Variants in PALS1 observed in about 807,000 individuals in gnomAD.
The protein encoded by PALS1 is protein PALS1.
Under a neutral mutation model 78.9 loss-of-function variants are expected in PALS1, and 31 were observed. The ratio of observed to expected loss-of-function variants is 0.39; its 90% CI spans 0.30 to 0.53. PALS1 has a LOEUF of 0.53. Among genes scored for constraint, PALS1 ranks in the 20% least tolerant of loss-of-function variants. PALS1 has a pLI of 0.67. For missense variants in PALS1, 704 were observed against 826.5 expected (o/e 0.85, Z 1.82); for synonymous variants, 276 against 270.9 (o/e 1.02, Z -0.18).
chr14:67,306,965 A>G (rs2085013979), intron 8 of PALS1, among the ~76,000 whole-genome samples: 1 of 152,236 alleles, frequency 6.6e-6, no homozygotes, highest in South Asian at 2.1e-4. Flanking sequence ...GATGTTAGAA[A>G]TGTGTTTAAG....
At chr14:67,315,752 G>A (rs890472198) in intron 9 of PALS1, among the ~76,000 whole-genome samples, 7 of 152,172 alleles carry the variant, frequency 4.6e-5, no homozygotes, top group African/African-American at 1.4e-4. Context: ...TGGTGAAACC[G>A]AGCCTCTACT....
At chr14:67,254,786 C>T (rs1451210234) in intron 1 of PALS1, among the ~76,000 whole-genome samples, 1 of 152,188 alleles carries the variant, frequency 6.6e-6, no homozygotes, top group African/African-American at 2.4e-5. Flanking sequence ...TAGAGGTAAT[C>T]ATCTACTAAT....
At chr14:67,279,600 T>C in intron 3 of PALS1, 63 bp downstream of exon 3, 1 of 1,419,416 alleles carries the variant, frequency 7.0e-7, no homozygotes, top group Non-Finnish European at 9.4e-7. Flanking sequence ...CCTTATAATG[T>C]ATATGAGAAG....
At chr14:67,282,077 AAC>A (rs2084614978) in intron 3 of PALS1, among the ~76,000 whole-genome samples, 1 of 152,214 alleles carries the variant, frequency 6.6e-6, no homozygotes, top group Non-Finnish European at 1.5e-5. Flanking sequence ...TGATATAGTC[AAC>A]ACAGATATCT....
chr14:67,267,591 A>G (rs1212393783), intron 1 of PALS1, among the ~76,000 whole-genome samples: 3 of 152,228 alleles, frequency 2.0e-5, no homozygotes, highest in Non-Finnish European at 2.9e-5. Flanking sequence ...TGAATTTTCA[A>G]AACGGGTTTA....
chr14:67,255,745 A>T (rs771040012), intron 1 of PALS1, among the ~76,000 whole-genome samples: 1 of 152,194 alleles, frequency 6.6e-6, no homozygotes, highest in Admixed American at 6.5e-5. Context: ...CAGTAGTGCA[A>T]TCTGGGCTCA....
chr14:67,285,851 CAG>C (rs1382213192), intron 3 of PALS1, among the ~76,000 whole-genome samples: 2 of 152,100 alleles, frequency 1.3e-5, no homozygotes, highest in African/African-American at 2.4e-5. Flanking sequence ...GGAGGGAGGA[CAG>C]AGTTTACGAG....
intron 13 of PALS1, among the ~76,000 whole-genome samples, chr14:67,323,035 C>T (rs2085284814): frequency 6.6e-6 from 1 of 152,046 alleles, no homozygotes; most frequent in African/African-American, 2.4e-5. Context: ...ATTCTAATTG[C>T]TCCAAAATTG....
intron 14 of PALS1, among the ~76,000 whole-genome samples, chr14:67,327,031 C>T (rs573435480): frequency 1.4e-4 from 21 of 152,180 alleles, no homozygotes; most frequent in African/African-American, 4.6e-4. Flanking sequence ...AAAAGTTAGC[C>T]GGGTGTGGTG....
At chr14:67,273,678 G>A (rs1350431502) in intron 2 of PALS1, among the ~76,000 whole-genome samples, 1 of 152,196 alleles carries the variant, frequency 6.6e-6, no homozygotes, top group Non-Finnish European at 1.5e-5. Context: ...TCTAGTTCTA[G>A]ATCTCTGAGG....
At chr14:67,315,308 GCT>G (rs1180707541) in intron 9 of PALS1, among the ~76,000 whole-genome samples, 1 of 109,762 alleles carries the variant, frequency 9.1e-6, no homozygotes, top group Non-Finnish European at 1.7e-5. Context: ...ACAAAATCTC[GCT>G]CTGTCTCCCA....
chr14:67,316,951 T>C (rs1297864622), intron 10 of PALS1, 48 bp downstream of exon 10: 1 of 1,457,816 alleles, frequency 6.9e-7, no homozygotes, highest in African/African-American at 1.4e-5. Flanking sequence ...TGGGTCTTCA[T>C]CTGGAGCCAT....
intron 3 of PALS1, among the ~76,000 whole-genome samples, chr14:67,291,189 T>C (rs762739847): frequency 1.3e-5 from 2 of 149,960 alleles, no homozygotes; most frequent in Non-Finnish European, 3.0e-5. Context: ...CGTGTGCATG[T>C]ACACTCACAC....
intron 11 of PALS1, among the ~76,000 whole-genome samples, chr14:67,319,573 C>A (rs939830804): frequency 2.1e-5 from 3 of 145,616 alleles, no homozygotes; most frequent in Non-Finnish European, 4.5e-5. Flanking sequence ...TGGGGCCACA[C>A]GTAAAATACA....
In PALS1 at chr14:67,321,060, C is replaced by A. The variant is rs1399869023; in HGVS notation, c.1541C>A (p.Thr514Lys). ...KDRFASAVPH[T>K]TRSRRDQEVA... Reference sequence around the variant, plus strand: ...CTATCTGATTTTGTTTGCCTAGATACAACCCGGAGTAGGCGAGACCAAGAA... The same window carrying A: ...CTATCTGATTTTGTTTGCCTAGATAAAACCCGGAGTAGGCGAGACCAAGAA... The change falls in exon 13 of 15, where the codon ACA becomes AAA. Residue 514 changes from threonine (T) to lysine (K), a missense_variant. By Grantham distance (78) the Thr-to-Lys change is moderately conservative. Transcript: ENST00000261681. 1 of 1,614,038 alleles carries A rather than the reference C, an allele frequency of 6.2e-7. No homozygotes were observed. Among genetic ancestry groups the A allele is most frequent in the Admixed American group, 1.7e-5 (1 of 60,014 alleles).
rs912153373 is a variant in PALS1, at chr14:67,333,675, A to G, written c.*719A>G. The G allele has an allele frequency of 6.6e-6, 1 of 152,544 alleles. No individual in the cohort carries two copies. The highest frequency in any genetic ancestry group is 1.5e-5 in the Non-Finnish European group (1 of 68,018). 9.4% of individuals were successfully genotyped at this position (152,544 alleles called of 1,614,324 possible). ...ATACAAAATATGCTGATCTTTTTTA[A>G]ATTATGATTTCCTGAATTTTTTTCT... is the stretch of plus-strand genomic sequence containing the variant. On this transcript the variant is annotated 3_prime_UTR_variant, in exon 15 of 15. Transcript: ENST00000261681.
chr14:67,302,114 C>A lies in PALS1; in HGVS notation c.797C>A (p.Pro266Gln). The change falls in exon 6 of 15, where the codon CCG becomes CAG. Residue 266 changes from proline (P) to glutamine (Q), a missense_variant. Physicochemically the swap from Pro to Gln is moderately conservative, Grantham distance 76. Transcript: ENST00000261681. ...CGTATAGAAAAGGCTCGTGATATTC[C>A]GTTGGTAAGTGTCCCACATACTGTT... Reference protein sequence around the residue: ...IVRIEKARDIPLGATVRNEMD... With the variant: ...IVRIEKARDIQLGATVRNEMD... 1 of 1,599,606 alleles carries A rather than the reference C, an allele frequency of 6.3e-7. No individual in the cohort carries two copies. Among genetic ancestry groups the A allele is most frequent in the South Asian group, 1.1e-5 (1 of 88,624 alleles).
intron 3 of PALS1, among the ~76,000 whole-genome samples, chr14:67,286,800 T>G (rs1208501322): frequency 7.2e-6 from 1 of 138,338 alleles, no homozygotes; most frequent in African/African-American, 2.8e-5. Context: ...GAGGCTGCAG[T>G]GAGCTCTGAT....
chr14:67,301,529 A>G, intron 5 of PALS1, 63 bp downstream of exon 5: 1 of 1,207,136 alleles, frequency 8.3e-7, no homozygotes, highest in Non-Finnish European at 1.2e-6. Context: ...TTTTTAAATC[A>G]AAGACTCCAG....
Sources: gnomAD v4.1 joint callset for allele counts (sites outside exome capture counted in the v4.1 genomes callset) on GRCh38, gnomAD v4.1.1 for gene constraint, MANE v1.5 for transcripts, NCBI Gene and HGNC (gene_info 2026-07-23, HGNC 2026-07-21) for gene names.